The following SHISA9 variants were observed in gnomAD, a reference collection of about 807,000 sequenced individuals.
SHISA9 encodes protein shisa-9.
Under a neutral mutation model 38.0 loss-of-function variants are expected in SHISA9, and 13 were observed. That is an observed-to-expected ratio of 0.34 (90% CI 0.22 to 0.54). The LOEUF is 0.54. Ranked by LOEUF, SHISA9 falls within the 20% of genes least tolerant of loss-of-function variation. SHISA9 has a pLI of 0.91. For missense variants in SHISA9, 538 were observed against 575.8 expected, an observed-to-expected ratio of 0.93 and a Z score of 0.67; for synonymous variants, 275 against 242.0, an observed-to-expected ratio of 1.14 and a Z score of -1.27.
chr16:13,176,789 C>T (rs1215954252), intron 2 of SHISA9, among the ~76,000 whole-genome samples: 2 of 152,054 alleles, frequency 1.3e-5, no homozygotes, highest in Admixed American at 6.5e-5. Context: ...TAGGGTGGGC[C>T]GAAGCTCAAG....
intron 2 of SHISA9, among the ~76,000 whole-genome samples, chr16:13,107,951 GTTTGA>G (rs1024566746): frequency 6.6e-6 from 1 of 152,168 alleles, no homozygotes. Flanking sequence ...TGCTCAGTCA[GTTTGA>G]TTTATTTTTA....
chr16:13,260,007 CTTTTTTTTTTTTTTT>C, the SHISA9 span, among the ~76,000 whole-genome samples: 3 of 60,446 alleles, frequency 5.0e-5, no homozygotes, highest in South Asian at 2.2e-3. Context: ...TTCTTTCTTT[CTTTTTTTTTTTTTTT>C]TTTTTTTTTT....
At chr16:13,141,304 A>C (rs1172822453) in intron 2 of SHISA9, among the ~76,000 whole-genome samples, 1 of 152,122 alleles carries the variant, frequency 6.6e-6, no homozygotes, top group Non-Finnish European at 1.5e-5. Context: ...TACAGCAGTC[A>C]CTTTATGAGC....
intron 2 of SHISA9, among the ~76,000 whole-genome samples, chr16:13,194,216 A>G (rs945141032): frequency 2.6e-5 from 1 of 38,132 alleles, no homozygotes; most frequent in African/African-American, 2.9e-4. Flanking sequence ...GTGGAGATTA[A>G]AAAAAAAAAT....
At chr16:13,185,722 G>A (rs952489449) in intron 2 of SHISA9, among the ~76,000 whole-genome samples, 2 of 152,048 alleles carry the variant, frequency 1.3e-5, no homozygotes, top group African/African-American at 2.4e-5. Context: ...TCTTTCCTCA[G>A]TACCCAGAAT....
At chr16:13,293,446 G>C in the SHISA9 span, among the ~76,000 whole-genome samples, 1 of 152,170 alleles carries the variant, frequency 6.6e-6, no homozygotes, top group African/African-American at 2.4e-5. Flanking sequence ...TCAAAACGTA[G>C]ACATCCTGGG....
At chr16:12,963,364 G>A (rs888635740) in intron 2 of SHISA9, among the ~76,000 whole-genome samples, 1 of 152,168 alleles carries the variant, frequency 6.6e-6, no homozygotes, top group Admixed American at 6.5e-5. Flanking sequence ...AAATGTGTAT[G>A]CAACATGGCC....
At chr16:13,061,653 G>T (rs2073377310) in intron 2 of SHISA9, among the ~76,000 whole-genome samples, 1 of 152,138 alleles carries the variant, frequency 6.6e-6, no homozygotes, top group African/African-American at 2.4e-5. Context: ...GACCAAACAG[G>T]TATAGCTCCT....
At chr16:13,287,638 C>T in the SHISA9 span, among the ~76,000 whole-genome samples, 1 of 152,028 alleles carries the variant, frequency 6.6e-6, no homozygotes, top group Non-Finnish European at 1.5e-5. Context: ...GGAGTCAGAC[C>T]CTGCAGGGTC....
intron 4 of SHISA9, among the ~76,000 whole-genome samples, chr16:13,227,452 A>C (rs748938865): frequency 6.6e-6 from 1 of 152,208 alleles, no homozygotes; most frequent in African/African-American, 2.4e-5. Flanking sequence ...AATTTCTGGC[A>C]TAAGTGGCTA....
chr16:13,540,858 C>G, the SHISA9 span, among the ~76,000 whole-genome samples: 2 of 152,184 alleles, frequency 1.3e-5, no homozygotes, highest in African/African-American at 4.8e-5. Context: ...CTATCTTCTG[C>G]TGTTACCAGC....
intron 2 of SHISA9, among the ~76,000 whole-genome samples, chr16:13,196,396 C>CAA (rs372256944): frequency 4.4e-4 from 45 of 101,318 alleles, no homozygotes; most frequent in Non-Finnish European, 7.2e-4. Context: ...GACTCCGTCT[C>CAA]AAAAAAAAAA....
the SHISA9 span, among the ~76,000 whole-genome samples, chr16:13,362,008 AC>A: frequency 4.6e-5 from 7 of 152,092 alleles, no homozygotes; most frequent in Non-Finnish European, 8.8e-5. Flanking sequence ...TAGTTATGTG[AC>A]CTTGAGTGAT....
the SHISA9 span, among the ~76,000 whole-genome samples, chr16:13,258,052 C>G: frequency 1.1e-4 from 17 of 152,274 alleles, no homozygotes; most frequent in African/African-American, 4.1e-4. Context: ...TGAAATTTAG[C>G]TAGAAAATCT....
intron 2 of SHISA9, among the ~76,000 whole-genome samples, chr16:13,073,583 CAA>C (rs1567203048): frequency 2.6e-5 from 4 of 152,142 alleles, no homozygotes; most frequent in Admixed American, 2.6e-4. Flanking sequence ...ATCTGCAGTG[CAA>C]AGTCAAATGG....
intron 2 of SHISA9, among the ~76,000 whole-genome samples, chr16:13,141,683 A>AATAT (rs993795506): frequency 3.3e-5 from 5 of 151,770 alleles, no homozygotes; most frequent in African/African-American, 1.2e-4. Context: ...CTCCATCTCA[A>AATAT]ATATATATAT....
chr16:12,912,056 A>C (rs990077670), intron 1 of SHISA9, among the ~76,000 whole-genome samples: 2 of 152,200 alleles, frequency 1.3e-5, no homozygotes, highest in South Asian at 4.1e-4. Context: ...TCCTTGGTCC[A>C]AGGTTCCTGA....
chr16:13,184,305 C>T lies in SHISA9; in HGVS notation c.692-19089C>T, dbSNP rs141000090. ...CTGGGATGTTTGAGCCTATCTTCTG[C>T]AGCTGTACTTTCTGCCTCAGATCCT... On this transcript the variant is annotated intron_variant, in intron 2 of 4. Transcript: ENST00000558583. Among the ~76,000 whole-genome samples the T allele has an allele frequency of 1.8e-3, 269 of 152,274 alleles. 1 individual carries two copies. The highest frequency in any genetic ancestry group is 5.9e-3 in the African/African-American group (247 of 41,552).
the SHISA9 span, among the ~76,000 whole-genome samples, chr16:13,273,087 A>G: frequency 3.9e-5 from 6 of 152,138 alleles, no homozygotes; most frequent in Non-Finnish European, 8.8e-5. Flanking sequence ...ATTTCACCCC[A>G]TTCCACTGGC....
Sources: allele counts gnomAD v4.1 joint callset (sites outside exome capture counted in the v4.1 genomes callset), GRCh38; gene constraint gnomAD v4.1.1; transcripts MANE v1.5; gene names NCBI Gene and HGNC (gene_info 2026-07-23, HGNC 2026-07-21).